Variants in RBFOX1 observed in about 807,000 individuals in gnomAD.
The protein encoded by RBFOX1 is RNA binding protein fox-1 homolog 1.
A neutral mutation model predicts 57.7 loss-of-function variants in RBFOX1; 8 were observed. The observed-to-expected ratio is 0.14, with a 90% CI of 0.08 to 0.25. The LOEUF is 0.25. Among genes scored for constraint, RBFOX1 ranks in the 10% least tolerant of loss-of-function variants. The pLI is 1.00. For missense variants in RBFOX1, 611 were observed against 548.5 expected, an observed-to-expected ratio of 1.11 and a Z score of -1.14; for synonymous variants, 326 against 222.4, an observed-to-expected ratio of 1.47 and a Z score of -4.15.
intron 1 of RBFOX1, among the ~76,000 whole-genome samples, chr16:6,315,455 CGGTGGATG>C (rs1328942341): frequency 1.7e-5 from 2 of 119,908 alleles, no homozygotes; most frequent in Non-Finnish European, 3.4e-5. Flanking sequence ...ATGGGTGAAT[CGGTGGATG>C]GGTGGATGGG....
intron 3 of RBFOX1, among the ~76,000 whole-genome samples, chr16:7,014,637 A>G (rs765109650): frequency 2.0e-5 from 3 of 152,096 alleles, no homozygotes; most frequent in Non-Finnish European, 2.9e-5. Flanking sequence ...GGGAAAATAT[A>G]TTTTGGATTT....
At chr16:6,871,195 C>G (rs11862287) in intron 3 of RBFOX1, among the ~76,000 whole-genome samples, 4,162 of 152,096 alleles carry the variant, frequency 0.027, 186 homozygotes, top group African/African-American at 0.095. Flanking sequence ...ATCACCCCTG[C>G]TTTTTTTGGA....
chr16:6,518,573 A>G (rs1034931108), intron 2 of RBFOX1, among the ~76,000 whole-genome samples: 2 of 152,092 alleles, frequency 1.3e-5, no homozygotes, highest in African/African-American at 4.8e-5. Context: ...TGCTGGGAAA[A>G]CATCCTGGGA....
chr16:7,630,579 A>G, intron 10 of RBFOX1, 24 bp from the exon 11 acceptor site: 1 of 1,613,554 alleles, frequency 6.2e-7, no homozygotes, highest in African/African-American at 1.3e-5. Context: ...CAAACCAGAT[A>G]CCATCTCTCT....
intron 3 of RBFOX1, among the ~76,000 whole-genome samples, chr16:6,906,382 A>G (rs897853044): frequency 3.3e-5 from 5 of 152,216 alleles, no homozygotes; most frequent in African/African-American, 4.8e-5. Context: ...ACCGAAACTC[A>G]TAAAAAATAC....
At chr16:5,616,803 C>G (rs1055566478) in intron 3 of RBFOX1, among the ~76,000 whole-genome samples, 3 of 148,904 alleles carry the variant, frequency 2.0e-5, no homozygotes, top group African/African-American at 5.0e-5. Context: ...CTTCTCCTCT[C>G]TTCCCCCTCC....
At chr16:5,373,999 C>T (rs750115503) in intron 1 of RBFOX1, among the ~76,000 whole-genome samples, 13 of 152,230 alleles carry the variant, frequency 8.5e-5, no homozygotes, top group African/African-American at 3.1e-4. Context: ...CTCACTGCAA[C>T]CTCCAGCTTC....
At chr16:6,839,880 C>T (rs966722220) in intron 3 of RBFOX1, among the ~76,000 whole-genome samples, 4 of 152,210 alleles carry the variant, frequency 2.6e-5, no homozygotes, top group African/African-American at 7.2e-5. Flanking sequence ...TTTCCCCTCC[C>T]ATCCCATTCT....
intron 1 of RBFOX1, among the ~76,000 whole-genome samples, chr16:5,328,763 C>T (rs1324136505): frequency 6.6e-5 from 10 of 152,282 alleles, no homozygotes; most frequent in South Asian, 4.2e-4. Context: ...AGTGGCCATC[C>T]GATTCAAGCT....
chr16:7,389,289 C>A (rs1199824074), intron 4 of RBFOX1, among the ~76,000 whole-genome samples: 1 of 152,044 alleles, frequency 6.6e-6, no homozygotes, highest in Non-Finnish European at 1.5e-5. Flanking sequence ...CCACGCCCAG[C>A]TAATTTTAGT....
intron 3 of RBFOX1, among the ~76,000 whole-genome samples, chr16:5,771,477 C>G (rs374460327): frequency 7.2e-5 from 11 of 152,306 alleles, no homozygotes; most frequent in African/African-American, 1.7e-4. Context: ...AGAATGATCT[C>G]AGTTCATTGC....
intron 3 of RBFOX1, among the ~76,000 whole-genome samples, chr16:5,682,410 T>C (rs1266109928): frequency 6.6e-6 from 1 of 152,096 alleles, no homozygotes. Flanking sequence ...AAAAAGAGGG[T>C]CACTCTACAA....
At chr16:5,368,673 A>G (rs1457434014) in intron 1 of RBFOX1, among the ~76,000 whole-genome samples, 2 of 152,064 alleles carry the variant, frequency 1.3e-5, no homozygotes, top group African/African-American at 4.8e-5. Context: ...GCCATCCTTT[A>G]AAAAAAATTC....
chr16:5,288,537 G>A (rs946224388), intron 1 of RBFOX1, among the ~76,000 whole-genome samples: 1 of 151,708 alleles, frequency 6.6e-6, no homozygotes, highest in Non-Finnish European at 1.5e-5. Context: ...GGTTGGTCTG[G>A]CTTCAACAAA....
chr16:5,429,594 T>C (rs113882999), intron 1 of RBFOX1, among the ~76,000 whole-genome samples: 4,384 of 152,222 alleles, frequency 0.029, 72 homozygotes, highest in Middle Eastern at 0.044. Context: ...GGTGGAATAG[T>C]TGTGCTCGCA....
intron 4 of RBFOX1, among the ~76,000 whole-genome samples, chr16:7,366,789 C>G (rs1159318931): frequency 1.3e-5 from 2 of 151,864 alleles, no homozygotes; most frequent in Non-Finnish European, 2.9e-5. Context: ...GATTAAAGAT[C>G]AAAAATGGGA....
intron 2 of RBFOX1, among the ~76,000 whole-genome samples, chr16:6,433,882 C>G (rs967572748): frequency 1.5e-5 from 2 of 136,468 alleles, no homozygotes; most frequent in Non-Finnish European, 3.0e-5. Context: ...GGGTCTCACT[C>G]TGTTTCCCAT....
At chr16:7,281,714 G>A (rs1189125520) in intron 4 of RBFOX1, among the ~76,000 whole-genome samples, 1 of 152,088 alleles carries the variant, frequency 6.6e-6, no homozygotes, top group Non-Finnish European at 1.5e-5. Flanking sequence ...GTGACTGTTA[G>A]GAGAGAGTCT....
chr16:6,603,202 C>A (rs2097877562), intron 2 of RBFOX1, among the ~76,000 whole-genome samples: 1 of 152,120 alleles, frequency 6.6e-6, no homozygotes, highest in African/African-American at 2.4e-5. Context: ...AAGATTGACC[C>A]AGCTTACTTG....
Sources: allele counts gnomAD v4.1 joint callset (sites outside exome capture counted in the v4.1 genomes callset), GRCh38; gene constraint gnomAD v4.1.1; transcripts MANE v1.5; gene names NCBI Gene and HGNC (gene_info 2026-07-23, HGNC 2026-07-21).